Variants in STAG1 observed in about 807,000 individuals in gnomAD.
STAG1 encodes the protein cohesin subunit SA-1.
In STAG1, 26 loss-of-function variants were observed where a neutral mutation model predicts 170.9. That is an observed-to-expected ratio of 0.15 (90% CI 0.11 to 0.21). The LOEUF is 0.21. Ranked by LOEUF, STAG1 falls within the 10% of genes least tolerant of loss-of-function variation. STAG1 has a pLI of 1.00. For synonymous variants in STAG1, 514 were observed against 497.7 expected (o/e 1.03, Z -0.44); for missense variants, 964 against 1,509.5 (o/e 0.64, Z 5.99).
chr3:136,343,157 C>A (rs1317824413), intron 30 of STAG1, among the ~76,000 whole-genome samples: 2 of 152,222 alleles, frequency 1.3e-5, no homozygotes, highest in Admixed American at 1.3e-4. Flanking sequence ...CAACTATACA[C>A]AGAAACACAA....
intron 4 of STAG1, among the ~76,000 whole-genome samples, chr3:136,583,421 A>G (rs1420216416): frequency 6.6e-6 from 1 of 152,314 alleles, no homozygotes; most frequent in Admixed American, 6.5e-5. Flanking sequence ...TAATGTTATC[A>G]TGAAGCCAAG....
chr3:136,512,824 A>G (rs990326345), intron 7 of STAG1, among the ~76,000 whole-genome samples: 1 of 152,162 alleles, frequency 6.6e-6, no homozygotes, highest in African/African-American at 2.4e-5. Context: ...ATCATGCCAG[A>G]GGTGAACACA....
At position 136,526,911 on chromosome 3, in the gene STAG1, A is replaced by G. The variant is rs573529481; in HGVS notation, c.472-5494T>C. 5.0e-4 allele frequency among the ~76,000 whole-genome samples: 76 copies of G among 152,272 alleles called. 1 individual carries two copies. The highest frequency in any genetic ancestry group is 3.4e-3 in the Middle Eastern group (1 of 294). ...AAAATTCTTTTCTTTAAGAATGTTG[A>G]ATGTTGGCTCCCACTCTCTTCTGGC... On this transcript the variant is annotated intron_variant, in intron 6 of 33. Coordinates refer to ENST00000383202, the MANE Select transcript of STAG1 (RefSeq NM_005862.3).
At chr3:136,441,208 T>C (rs899238318) in intron 15 of STAG1, among the ~76,000 whole-genome samples, 3 of 152,056 alleles carry the variant, frequency 2.0e-5, no homozygotes, top group African/African-American at 7.2e-5. Context: ...AATTTTTGTA[T>C]TTTTAGTAGA....
chr3:136,591,973 C>T (rs1302305233), intron 4 of STAG1, among the ~76,000 whole-genome samples: 1 of 152,088 alleles, frequency 6.6e-6, no homozygotes, highest in Non-Finnish European at 1.5e-5. Flanking sequence ...ATATTAGAAA[C>T]AGCACTTCAA....
intron 1 of STAG1, among the ~76,000 whole-genome samples, chr3:136,717,432 G>A (rs1401456952): frequency 6.6e-6 from 1 of 152,204 alleles, no homozygotes; most frequent in Non-Finnish European, 1.5e-5. Flanking sequence ...GGGAGGTCGA[G>A]GCAGGTGGAT....
chr3:136,645,986 C>A (rs909979804), intron 1 of STAG1, among the ~76,000 whole-genome samples: 1 of 152,164 alleles, frequency 6.6e-6, no homozygotes, highest in Non-Finnish European at 1.5e-5. Context: ...TTCCAAAGAC[C>A]TACTTCATGT....
At position 136,443,267 on chromosome 3, in the gene STAG1, A is replaced by T; in HGVS notation, c.1546+20T>A. The T allele has an allele frequency of 6.5e-7, 1 of 1,534,354 alleles. No individual in the cohort carries two copies. Among genetic ancestry groups the T allele is most frequent in the Non-Finnish European group, 9.0e-7 (1 of 1,112,260 alleles). Reference sequence around the variant, plus strand: ...ATGGAAATACAAAATCATGTAAATTAACTTGTCAAAATACTATACCTTCCT... The same window carrying T: ...ATGGAAATACAAAATCATGTAAATTTACTTGTCAAAATACTATACCTTCCT... On this transcript the variant is annotated intron_variant, in intron 15 of 33. Transcript: ENST00000383202.
chr3:136,544,761 A>AAG (rs1936079662), intron 5 of STAG1, among the ~76,000 whole-genome samples: 1 of 151,574 alleles, frequency 6.6e-6, no homozygotes, highest in South Asian at 2.1e-4. Flanking sequence ...CAAGACTCAA[A>AAG]AAAAAAAAAA....
chr3:136,630,990 T>A lies in STAG1; in HGVS notation c.-83-9A>T. On this transcript the variant is annotated splice_polypyrimidine_tract_variant and intron_variant, in intron 1 of 33. Transcript: ENST00000383202. ...TAACCTCAAAGGCAATCCTGTCAAT[T>A]AAAAAAAAGAAATTATTTTAAAATA... 2 of 1,195,546 alleles carry A rather than the reference T, an allele frequency of 1.7e-6. No individual in the cohort carries two copies. Among genetic ancestry groups the A allele is most frequent in the Non-Finnish European group, 2.3e-6 (2 of 858,836 alleles). 74.1% of individuals were successfully genotyped at this position (1,195,546 alleles called of 1,614,324 possible). A position where few individuals can be genotyped will look rare whatever the true frequency, so the allele number is the denominator to read the frequency against.
Position 136,609,685 on chromosome 3 carries a change from G to T in STAG1, c.133-5212C>A, listed in dbSNP as rs558504947. On this transcript the variant is annotated intron_variant, in intron 3 of 33. Transcript: ENST00000383202. ...TATTTTTATCAACTATTGTATAAATGCAAGTTTTTTAGTAGATCTAGAAAC... is the reference window on the plus strand; with the variant it reads ...TATTTTTATCAACTATTGTATAAATTCAAGTTTTTTAGTAGATCTAGAAAC... 33 of 171,916 alleles carry T rather than the reference G, an allele frequency of 1.9e-4. No homozygotes were observed. In the South Asian group the frequency reaches 2.5e-3, roughly 13 times the overall value. 10.6% of individuals were successfully genotyped at this position (171,916 alleles called of 1,614,324 possible).
intron 5 of STAG1, among the ~76,000 whole-genome samples, chr3:136,560,982 C>T (rs1416038431): frequency 6.6e-6 from 1 of 151,870 alleles, no homozygotes; most frequent in Non-Finnish European, 1.5e-5. Context: ...TCTCTTCCCA[C>T]TTCAGGTCAA....
intron 4 of STAG1, among the ~76,000 whole-genome samples, chr3:136,584,757 G>T (rs760241709): frequency 2.0e-5 from 3 of 152,186 alleles, no homozygotes; most frequent in Non-Finnish European, 4.4e-5. Flanking sequence ...TATGGAATAT[G>T]GGGCTTTTAA....
intron 6 of STAG1, among the ~76,000 whole-genome samples, chr3:136,541,789 A>C (rs1304785802): frequency 6.6e-6 from 1 of 152,158 alleles, no homozygotes; most frequent in Non-Finnish European, 1.5e-5. Context: ...CATTTAATGC[A>C]ACTAGCATTC....
At chr3:136,612,156 A>AT (rs1244979327) in intron 3 of STAG1, among the ~76,000 whole-genome samples, 1 of 151,986 alleles carries the variant, frequency 6.6e-6, no homozygotes, top group African/African-American at 2.4e-5. Flanking sequence ...CTATGTGTGG[A>AT]TTTTTTATAT....
At chr3:136,745,705 C>T (rs976006284) in intron 1 of STAG1, among the ~76,000 whole-genome samples, 18 of 152,150 alleles carry the variant, frequency 1.2e-4, no homozygotes, top group Non-Finnish European at 2.9e-5. Context: ...GGGTCCACAG[C>T]CCAGTGGTTG....
At chr3:136,430,370 T>A (rs2088260861) in intron 16 of STAG1, among the ~76,000 whole-genome samples, 1 of 152,224 alleles carries the variant, frequency 6.6e-6, no homozygotes, top group African/African-American at 2.4e-5. Context: ...ATTTTTAACT[T>A]GTAACTGACT....
chr3:136,404,243 G>C (rs1192195467), intron 21 of STAG1, among the ~76,000 whole-genome samples: 1 of 152,186 alleles, frequency 6.6e-6, no homozygotes, highest in African/African-American at 2.4e-5. Flanking sequence ...TGAGCCTGGA[G>C]AGGATCATCA....
chr3:136,713,868 C>T (rs1272579766), intron 1 of STAG1, among the ~76,000 whole-genome samples: 1 of 151,818 alleles, frequency 6.6e-6, no homozygotes, highest in Non-Finnish European at 1.5e-5. Flanking sequence ...ATTAAAAATA[C>T]AAAAATTAGC....
Sources: allele counts gnomAD v4.1 joint callset (sites outside exome capture counted in the v4.1 genomes callset), GRCh38; gene constraint gnomAD v4.1.1; transcripts MANE v1.5; gene names NCBI Gene and HGNC (gene_info 2026-07-23, HGNC 2026-07-21).